The following CHRM3 variants were observed in gnomAD, a reference collection of about 807,000 sequenced individuals.
The protein encoded by CHRM3 is cholinergic receptor muscarinic 3, also known as muscarinic acetylcholine receptor M3.
CHRM3 carries 11 observed loss-of-function variants against 41.8 expected under a neutral mutation model. The observed-to-expected ratio is 0.26, with a 90% CI of 0.17 to 0.44. The LOEUF is 0.44. Ranked by LOEUF, CHRM3 falls within the 20% of genes least tolerant of loss-of-function variation. The probability of loss-of-function intolerance (pLI) is 1.00; values close to 1 mark genes in which losing one functional copy is unlikely to be tolerated. For missense variants in CHRM3, 571 were observed against 745.4 expected (o/e 0.77, Z 2.72); for synonymous variants, 297 against 301.4 (o/e 0.99, Z 0.15).
chr1:239,458,631 C>A (rs1665134803), intron 1 of CHRM3, among the ~76,000 whole-genome samples: 1 of 152,116 alleles, frequency 6.6e-6, no homozygotes, highest in South Asian at 2.1e-4. Context: ...CATAAGGTAT[C>A]ATCAGTGTAC....
chr1:239,784,716 C>T (rs1668759731), intron 5 of CHRM3, among the ~76,000 whole-genome samples: 1 of 151,922 alleles, frequency 6.6e-6, no homozygotes, highest in Non-Finnish European at 1.5e-5. Context: ...AACGCTTTTC[C>T]TTTTTATTCC....
At chr1:239,471,793 T>C (rs1209020154) in intron 1 of CHRM3, among the ~76,000 whole-genome samples, 1 of 152,114 alleles carries the variant, frequency 6.6e-6, no homozygotes, top group Non-Finnish European at 1.5e-5. Context: ...GGTCTTGACT[T>C]CAGTTCCCAT....
At chr1:239,654,325 A>C (rs1244760774) in intron 4 of CHRM3, among the ~76,000 whole-genome samples, 1 of 152,186 alleles carries the variant, frequency 6.6e-6, no homozygotes. Context: ...TAGGTTATAA[A>C]GATAAGGAGG....
chr1:239,643,630 T>C (rs1288179414), intron 4 of CHRM3, among the ~76,000 whole-genome samples: 2 of 152,190 alleles, frequency 1.3e-5, no homozygotes, highest in African/African-American at 4.8e-5. Context: ...AAAAGTGCAG[T>C]ATTCGGGTGG....
At chr1:239,449,075 A>G (rs1183261807) in intron 1 of CHRM3, among the ~76,000 whole-genome samples, 1 of 152,286 alleles carries the variant, frequency 6.6e-6, no homozygotes, top group East Asian at 1.9e-4. Flanking sequence ...AAAAGTATAA[A>G]CTGAAAGGTA....
At chr1:239,558,648 C>T (rs987498178) in intron 3 of CHRM3, among the ~76,000 whole-genome samples, 1 of 152,206 alleles carries the variant, frequency 6.6e-6, no homozygotes, top group African/African-American at 2.4e-5. Flanking sequence ...GCATCCTCCA[C>T]AGTCAAACGT....
intron 3 of CHRM3, among the ~76,000 whole-genome samples, chr1:239,578,347 T>G (rs1662565674): frequency 6.6e-6 from 1 of 152,162 alleles, no homozygotes; most frequent in South Asian, 2.1e-4. Context: ...ATTTACTGAG[T>G]TTTACAGAGA....
intron 3 of CHRM3, among the ~76,000 whole-genome samples, chr1:239,602,108 GTGTA>G (rs1428214538): frequency 7.7e-6 from 1 of 129,408 alleles, no homozygotes; most frequent in African/African-American, 3.4e-5. Flanking sequence ...GTGTGTGTGT[GTGTA>G]TATATATATA....
intron 1 of CHRM3, among the ~76,000 whole-genome samples, chr1:239,483,954 A>T (rs1667025964): frequency 6.6e-6 from 1 of 152,192 alleles, no homozygotes; most frequent in African/African-American, 2.4e-5. Flanking sequence ...AGGAAGGAAA[A>T]CAGTAATTTA....
intron 4 of CHRM3, among the ~76,000 whole-genome samples, chr1:239,670,779 C>G (rs1674294047): frequency 6.6e-6 from 1 of 151,904 alleles, no homozygotes; most frequent in South Asian, 2.1e-4. Context: ...CTACCCCCCC[C>G]ACCTCAGTTT....
rs1204004881 is a variant in CHRM3, at chr1:239,906,674, A to G, written c.-19-759A>G. 2.0e-5 allele frequency among the ~76,000 whole-genome samples: 3 copies of G among 152,202 alleles called. No individual in the cohort carries two copies. The East Asian group carries it at 5.8e-4, about 29-fold the overall frequency. On this transcript the variant is annotated intron_variant, in intron 6 of 6. Transcript: ENST00000676153. The stretch of plus-strand genomic sequence containing the variant: ...TGTGTGTGGGTGTGTCCATTTGTTC[A>G]CATATGTGTGACACGCTAAAATACA...
chr1:239,900,269 A>C, intron 6 of CHRM3, among the ~76,000 whole-genome samples: 1 of 128,084 alleles, frequency 7.8e-6, no homozygotes, highest in South Asian at 2.3e-4. Context: ...TTTGGGTCTG[A>C]CCTACAGTCT....
intron 6 of CHRM3, among the ~76,000 whole-genome samples, chr1:239,851,456 G>T (rs1180920735): frequency 2.6e-5 from 4 of 152,044 alleles, no homozygotes; most frequent in Non-Finnish European, 2.9e-5. Context: ...CTAAAAAGAG[G>T]GACTTCAGCC....
At chr1:239,642,375 C>A (rs1469037124) in intron 4 of CHRM3, among the ~76,000 whole-genome samples, 1 of 151,996 alleles carries the variant, frequency 6.6e-6, no homozygotes, top group Non-Finnish European at 1.5e-5. Flanking sequence ...CAACTTGGTT[C>A]CATTCTCCCC....
intron 6 of CHRM3, among the ~76,000 whole-genome samples, chr1:239,854,077 A>T (rs1369602809): frequency 6.6e-6 from 1 of 152,122 alleles, no homozygotes; most frequent in Non-Finnish European, 1.5e-5. Context: ...TATTTAAGAT[A>T]TGAGTCACAG....
intron 3 of CHRM3, among the ~76,000 whole-genome samples, chr1:239,608,873 G>T (rs1309267311): frequency 1.3e-5 from 2 of 152,108 alleles, no homozygotes; most frequent in Non-Finnish European, 2.9e-5. Context: ...TTTTGGTACA[G>T]ATCCCCATTT....
intron 5 of CHRM3, among the ~76,000 whole-genome samples, chr1:239,767,492 G>A (rs942420943): frequency 6.6e-6 from 1 of 152,044 alleles, no homozygotes; most frequent in Admixed American, 6.6e-5. Context: ...GGGGACTTTG[G>A]GGGTTATGAT....
intron 3 of CHRM3, among the ~76,000 whole-genome samples, chr1:239,584,384 G>T (rs1228029030): frequency 2.6e-5 from 4 of 152,252 alleles, no homozygotes; most frequent in Non-Finnish European, 5.9e-5. Flanking sequence ...GATTACAGGT[G>T]TGAGTCACTG....
Position 239,562,574 on chromosome 1 carries a change from G to T in CHRM3, c.-313+16825G>T, listed in dbSNP as rs143132536. 3.5e-3 allele frequency among the ~76,000 whole-genome samples: 525 copies of T among 152,100 alleles called. 14 individuals are homozygous for T. The highest frequency in any genetic ancestry group is 0.03 in the Admixed American group (461 of 15,258). On this transcript the variant is annotated intron_variant, in intron 3 of 6. Coordinates refer to ENST00000676153, the MANE Select transcript of CHRM3 (RefSeq NM_001375978.1). ...AGTGTTCTATTTAGATGATGATGAT[G>T]ATGATTATTATTATTATTATTTTTA...
Sources: gnomAD v4.1 joint callset for allele counts (sites outside exome capture counted in the v4.1 genomes callset) on GRCh38, gnomAD v4.1.1 for gene constraint, MANE v1.5 for transcripts, NCBI Gene and HGNC (gene_info 2026-07-23, HGNC 2026-07-21) for gene names.